The following ANKRD50 variants were observed in gnomAD, a reference collection of about 807,000 sequenced individuals.
The protein encoded by ANKRD50 is ankyrin repeat domain 50.
Under a neutral mutation model 112.0 loss-of-function variants are expected in ANKRD50, and 40 were observed. The observed-to-expected ratio is 0.36, with a 90% CI of 0.28 to 0.46. The LOEUF (loss-of-function observed/expected upper bound fraction) is 0.46. ANKRD50 is among the 20% of genes least tolerant of loss of function. The pLI is 1.00. For missense variants in ANKRD50, 1,487 were observed against 1,701.7 expected (o/e 0.87, Z 2.22); for synonymous variants, 613 against 619.1 (o/e 0.99, Z 0.15).
intron 2 of ANKRD50, among the ~76,000 whole-genome samples, chr4:124,707,495 G>C (rs1275446818): frequency 6.6e-6 from 1 of 152,046 alleles, no homozygotes; most frequent in African/African-American, 2.4e-5. Flanking sequence ...CTGTATTATA[G>C]CTTCACAGTT....
Position 124,710,155 on chromosome 4 carries a change from A to G in ANKRD50, c.357T>C (p.Asp119=), listed in dbSNP as rs551919011. 144 of 1,614,080 alleles carry G rather than the reference A, an allele frequency of 8.9e-5. No homozygotes were observed. The highest frequency in any genetic ancestry group is 4.5e-5 in the East Asian group (2 of 44,890). The change falls in exon 2 of 5, where the codon GAT becomes GAC. Residue 119 remains aspartate (D), a synonymous_variant. Coordinates refer to ENST00000504087, the MANE Select transcript of ANKRD50 (RefSeq NM_020337.3). The part of the protein sequence containing the change: ...AFHFCKAQDS[D]TLCVGGFIRG... Reference sequence around the variant, plus strand: ...TAATAAACCCTCCAACACACAAAGTATCAGAGTCCTGGGCTTTGCAGAAAT... The same window carrying G: ...TAATAAACCCTCCAACACACAAAGTGTCAGAGTCCTGGGCTTTGCAGAAAT...
In ANKRD50 at chr4:124,710,744, A is replaced by T; in HGVS notation, c.-233T>A. The T allele has an allele frequency of 1.8e-6, 1 of 541,456 alleles. No individual in the cohort carries two copies. The highest frequency in any genetic ancestry group is 3.2e-6 in the Non-Finnish European group (1 of 307,796). The allele number at this position is 541,456 out of a possible 1,614,324, so 33.5% of individuals were successfully genotyped here. A position where few individuals can be genotyped will look rare whatever the true frequency, so the allele number is the denominator to read the frequency against. On this transcript the variant is annotated 5_prime_UTR_variant, in exon 2 of 5. Transcript: ENST00000504087. ...TGTTGAACTGAGGGAGAAACGCCTG[A>T]TTCCACAGCTCAGCAACACTTTTCC... is the stretch of plus-strand genomic sequence containing the variant.
In ANKRD50 at chr4:124,678,802, T is replaced by C; in HGVS notation, c.616A>G (p.Thr206Ala). 6.2e-7 allele frequency: 1 copy of C among 1,613,790 alleles called. No individual in the cohort carries two copies. Among genetic ancestry groups the C allele is most frequent in the Non-Finnish European group, 8.5e-7 (1 of 1,179,802 alleles). ...ACAGTCCCAGATAAGCTGGTAGACGTTTGTTCACCTTCAGTAATGTTACAC... is the reference window on the plus strand; with the variant it reads ...ACAGTCCCAGATAAGCTGGTAGACGCTTGTTCACCTTCAGTAATGTTACAC... ...EGCNITEGEQ[T>A]STSLSGTVAA... The change falls in exon 3 of 5, where the codon ACG becomes GCG. Residue 206 changes from threonine to alanine, a missense_variant. Around this residue, in one of 2 missense-constraint regions of ANKRD50, gnomAD observed 1,046 missense variants for 1,269.5 expected, o/e 0.82. Transcript: ENST00000504087.
At chr4:124,680,111 A>G (rs968756291) in intron 2 of ANKRD50, among the ~76,000 whole-genome samples, 1 of 152,230 alleles carries the variant, frequency 6.6e-6, no homozygotes, top group African/African-American at 2.4e-5. Context: ...ACATGCTTCC[A>G]TAACGTCAAA....
rs561402868 is a variant in ANKRD50, at chr4:124,667,529, A to T, written c.*4-15T>A. ...AGAATAGGAAACTAATGCAAAAGTTAAAAAAAAATTATTTTCTACATTGTA... is the reference window on the plus strand; with the variant it reads ...AGAATAGGAAACTAATGCAAAAGTTTAAAAAAAATTATTTTCTACATTGTA... On this transcript the variant is annotated splice_polypyrimidine_tract_variant and intron_variant, in intron 4 of 4. Coordinates refer to ENST00000504087, the MANE Select transcript of ANKRD50 (RefSeq NM_020337.3). The T allele has an allele frequency of 4.6e-5, 7 of 151,658 alleles. No individual in the cohort carries two copies. The highest frequency in any genetic ancestry group is 1.5e-5 in the Non-Finnish European group (1 of 67,822). 9.4% of individuals were successfully genotyped at this position (151,658 alleles called of 1,614,324 possible). A position where few individuals can be genotyped will look rare whatever the true frequency, so the allele number is the denominator to read the frequency against.
chr4:124,694,955 T>C (rs547327832), intron 2 of ANKRD50, among the ~76,000 whole-genome samples: 2 of 152,182 alleles, frequency 1.3e-5, no homozygotes, highest in East Asian at 1.9e-4. Context: ...GATCAGAATA[T>C]GAATTCATAT....
chr4:124,667,671 G>A (rs1316759672), intron 4 of ANKRD50, among the ~76,000 whole-genome samples, 157 bp from the exon 5 acceptor site: 1 of 151,744 alleles, frequency 6.6e-6, no homozygotes, highest in Admixed American at 6.6e-5. Flanking sequence ...TAACTTATAA[G>A]CCACTTTTTA....
At chr4:124,711,764 A>T (rs1725638467) in intron 1 of ANKRD50, among the ~76,000 whole-genome samples, 1 of 151,970 alleles carries the variant, frequency 6.6e-6, no homozygotes, top group African/African-American at 2.4e-5. Flanking sequence ...ACGGTTTAAA[A>T]AAAAAAAACA....
Position 124,664,070 on chromosome 4 carries a change from A to G in ANKRD50, c.*3448T>C, listed in dbSNP as rs1730431475. On this transcript the variant is annotated 3_prime_UTR_variant, in exon 5 of 5. Coordinates refer to ENST00000504087, the MANE Select transcript of ANKRD50 (RefSeq NM_020337.3). ...AAGTTTACTGAGTGAAGAAACACAC[A>G]AATTTTATTTAGAAAATGAATGACC... is the stretch of plus-strand genomic sequence containing the variant. The G allele has an allele frequency of 6.6e-6, 1 of 152,008 alleles. No individual in the cohort carries two copies. Among genetic ancestry groups the G allele is most frequent in the African/African-American group, 2.4e-5 (1 of 41,432 alleles). The allele number at this position is 152,008 out of a possible 1,614,324, so 9.4% of individuals were successfully genotyped here.
chr4:124,671,929 A>G lies in ANKRD50; in HGVS notation c.1348T>C (p.Leu450=), dbSNP rs1180321938. ...TGCAATGCAAATTCTTGTGCTTCCA[A>G]TGGTGTTAAATTCTTGGCTTGACAG... The part of the protein sequence containing the change: ...YTCQAKNLTP[L]EAQEFALHLI... Residue 450 remains leucine, a synonymous_variant, in exon 4 of 5, where the codon TTG becomes CTG. Transcript: ENST00000504087. 6.2e-7 allele frequency: 1 copy of G among 1,613,754 alleles called. No homozygotes were observed. Among genetic ancestry groups the G allele is most frequent in the African/African-American group, 1.3e-5 (1 of 74,878 alleles).
chr4:124,691,176 T>G lies in ANKRD50; in HGVS notation c.513-12271A>C, dbSNP rs1432490606. Among the ~76,000 whole-genome samples, 3 of 152,182 alleles carry G rather than the reference T, an allele frequency of 2.0e-5. No individual in the cohort carries two copies. In the East Asian group the frequency reaches 5.8e-4, roughly 29 times the overall value. On this transcript the variant is annotated intron_variant, in intron 2 of 4. Coordinates refer to ENST00000504087, the MANE Select transcript of ANKRD50 (RefSeq NM_020337.3). Reference sequence around the variant, plus strand: ...TTCAAAATATTATGTTATTCTGCACTTGTTTGTTATCCATTGGCTTTAAAA... The same window carrying G: ...TTCAAAATATTATGTTATTCTGCACGTGTTTGTTATCCATTGGCTTTAAAA...
intron 2 of ANKRD50, among the ~76,000 whole-genome samples, chr4:124,698,409 T>C (rs1046373263): frequency 4.9e-4 from 75 of 151,738 alleles, no homozygotes; most frequent in African/African-American, 1.6e-3. Flanking sequence ...ATATATACTA[T>C]TTCATTTTAT....
intron 2 of ANKRD50, among the ~76,000 whole-genome samples, chr4:124,684,509 C>G (rs1303478570): frequency 6.6e-6 from 1 of 152,088 alleles, no homozygotes; most frequent in Admixed American, 6.6e-5. Flanking sequence ...CTGCCTTCCC[C>G]TCTTCATTCT....
chr4:124,704,894 A>C (rs1725469677), intron 2 of ANKRD50, among the ~76,000 whole-genome samples: 1 of 152,186 alleles, frequency 6.6e-6, no homozygotes, highest in Non-Finnish European at 1.5e-5. Context: ...GGAAATCAAG[A>C]CCATCTTGGC....
Position 124,665,405 on chromosome 4 carries a change from A to T in ANKRD50, c.*2113T>A, listed in dbSNP as rs182297485. The stretch of plus-strand genomic sequence containing the variant: ...TGTCATATCTTCGCCCTTTGGACAC[A>T]AGGTGCAATTTTGTAAAAACAATAA... On this transcript the variant is annotated 3_prime_UTR_variant, in exon 5 of 5. Transcript: ENST00000504087. The T allele has an allele frequency of 6.6e-6, 1 of 152,480 alleles. No individual in the cohort carries two copies. Among genetic ancestry groups the T allele is most frequent in the East Asian group, 1.9e-4 (1 of 5,164 alleles). The allele number at this position is 152,480 out of a possible 1,614,324, so 9.4% of individuals were successfully genotyped here.
intron 2 of ANKRD50, among the ~76,000 whole-genome samples, chr4:124,681,086 A>C (rs1189049143): frequency 6.6e-6 from 1 of 152,074 alleles, no homozygotes; most frequent in African/African-American, 2.4e-5. Context: ...TGTGAAGGAA[A>C]ATCTGATATA....
At chr4:124,675,208 T>G (rs548906207) in intron 3 of ANKRD50, among the ~76,000 whole-genome samples, 1 of 151,956 alleles carries the variant, frequency 6.6e-6, no homozygotes, top group African/African-American at 2.4e-5. Context: ...TTTCTATTCT[T>G]ACTTGAAACA....
Position 124,669,333 on chromosome 4 carries a change from G to C in ANKRD50, c.3944C>G (p.Thr1315Ser). 6.2e-7 allele frequency: 1 copy of C among 1,613,748 alleles called. No homozygotes were observed. The highest frequency in any genetic ancestry group is 1.1e-5 in the South Asian group (1 of 91,024). The change falls in exon 4 of 5, where the codon ACT becomes AGT. Residue 1315 changes from threonine to serine, a missense_variant. By Grantham distance (58) the Thr-to-Ser change is moderately conservative. This residue lies in a region of ANKRD50 where 441 missense variants were observed against 432.2 expected (regional missense o/e 1.02). Transcript: ENST00000504087. ...TGGCATTTGTTTAGGTGGTGCAGCA[G>C]TCCCGGATTTGGCTATAGGTCCTCT... is the stretch of plus-strand genomic sequence containing the variant. ...DRRGPIAKSG[T>S]AAPPKQMPAE... is the part of the protein sequence containing the mutation.
At position 124,672,087 on chromosome 4, in the gene ANKRD50, A is replaced by G. The variant is rs772468086; in HGVS notation, c.1190T>C (p.Val397Ala). ...TATTTTTGTATTTCCTAGTCCATCA[A>G]CAAGAAGTTTGGAGAGGATATCTAA... Reference protein sequence around the residue: ...RKLDILSKLLVDGLGNTKILF... With the variant: ...RKLDILSKLLADGLGNTKILF... Residue 397 changes from valine to alanine, a missense_variant, in exon 4 of 5, where the codon GTT becomes GCT. Physicochemically the swap from Val to Ala is moderately conservative, Grantham distance 64. Around this residue, in one of 2 missense-constraint regions of ANKRD50, gnomAD observed 1,046 missense variants for 1,269.5 expected, o/e 0.82. Coordinates refer to ENST00000504087, the MANE Select transcript of ANKRD50 (RefSeq NM_020337.3). 1.9e-6 allele frequency: 3 copies of G among 1,613,906 alleles called. No homozygotes were observed. Among genetic ancestry groups the G allele is most frequent in the South Asian group, 2.2e-5 (2 of 91,082 alleles).
Sources: allele counts gnomAD v4.1 joint callset (sites outside exome capture counted in the v4.1 genomes callset), GRCh38; gene constraint gnomAD v4.1.1; regional missense constraint gnomAD v4.1.1; transcripts MANE v1.5; gene names NCBI Gene and HGNC (gene_info 2026-07-23, HGNC 2026-07-21).